MYRIP: variants seen among roughly 807,000 people sequenced by gnomAD.
MYRIP encodes the protein rab effector MyRIP.
A neutral mutation model predicts 98.0 loss-of-function variants in MYRIP; 49 were observed. The observed-to-expected ratio is 0.50, with a 90% confidence interval of 0.40 to 0.63. The LOEUF is 0.63. Ranked by LOEUF, MYRIP falls within the 30% of genes least tolerant of loss-of-function variation. MYRIP has a pLI of 0.00. For missense variants in MYRIP, 1,004 were observed against 1,058.2 expected, an observed-to-expected ratio of 0.95 and a Z score of 0.71; for synonymous variants, 404 against 409.5, an observed-to-expected ratio of 0.99 and a Z score of 0.16.
rs9849911 is a variant in MYRIP, at chr3:40,089,831, C to G, written c.332+45560C>G. Among the ~76,000 whole-genome samples the G allele has an allele frequency of 9.0e-3, 1,370 of 152,180 alleles. 21 individuals are homozygous for G. Among genetic ancestry groups the G allele is most frequent in the African/African-American group, 0.031 (1,293 of 41,522 alleles). ...CTTAAAAACCATTTTCTATAGATTT[C>G]TATTTTCTTCTCCAAAATTACGTAG... On this transcript the variant is annotated intron_variant, in intron 3 of 16. Transcript: ENST00000302541.
chr3:39,844,336 A>C (rs1352713680), intron 1 of MYRIP, among the ~76,000 whole-genome samples: 4 of 152,206 alleles, frequency 2.6e-5, no homozygotes, highest in Admixed American at 2.6e-4. Flanking sequence ...AGCTACCCTG[A>C]GTGGGACTGT....
In MYRIP at chr3:39,841,216, C is replaced by T. The variant is rs377395429; in HGVS notation, c.-31+31300C>T. On this transcript the variant is annotated intron_variant, in intron 1 of 16. Transcript: ENST00000302541. ...TTATTTCATTAAGTTGATCTTCAAT[C>T]GCTGATATCTTTTCTTCTGCTTGAT... 3.9e-5 allele frequency among the ~76,000 whole-genome samples: 6 copies of T among 152,094 alleles called. No individual in the cohort carries two copies. The East Asian group carries it at 9.7e-4, about 25-fold the overall frequency.
intron 1 of MYRIP, among the ~76,000 whole-genome samples, chr3:39,829,881 A>G (rs1252190821): frequency 3.3e-5 from 5 of 152,134 alleles, no homozygotes; most frequent in Non-Finnish European, 7.3e-5. Flanking sequence ...AACTGTACGT[A>G]GGCTCTTTCT....
At chr3:39,871,799 T>C (rs1942797086) in intron 1 of MYRIP, among the ~76,000 whole-genome samples, 1 of 152,140 alleles carries the variant, frequency 6.6e-6, no homozygotes, top group African/African-American at 2.4e-5. Context: ...CTGAATTATC[T>C]AGAATTATTT....
At chr3:40,059,726 AT>A (rs1247431528) in intron 3 of MYRIP, among the ~76,000 whole-genome samples, 1 of 151,860 alleles carries the variant, frequency 6.6e-6, no homozygotes, top group East Asian at 1.9e-4. Flanking sequence ...TTTTTCTTGG[AT>A]TTTCTTAACT....
chr3:39,950,619 T>C (rs1164327736), intron 2 of MYRIP, among the ~76,000 whole-genome samples: 1 of 152,168 alleles, frequency 6.6e-6, no homozygotes, highest in Non-Finnish European at 1.5e-5. Flanking sequence ...TGGGTCTCTC[T>C]TTCCATTTGT....
chr3:40,187,252 AG>A (rs534821475), intron 9 of MYRIP, among the ~76,000 whole-genome samples: 8 of 152,300 alleles, frequency 5.3e-5, no homozygotes, highest in Middle Eastern at 3.4e-3. Context: ...TGACAGCCAA[AG>A]GTGGGTCACA....
At position 40,117,481 on chromosome 3, in the gene MYRIP, T is replaced by C. The variant is rs1361878250; in HGVS notation, c.333-33567T>C. On this transcript the variant is annotated intron_variant, in intron 3 of 16. Transcript: ENST00000302541. ...CAGGTTATTCCCATTTCTACATTCT[T>C]AGCTGTTACATTTTCAAATTGAAAT... 2.0e-5 allele frequency among the ~76,000 whole-genome samples: 3 copies of C among 152,322 alleles called. No homozygotes were observed. In the East Asian group the frequency reaches 5.8e-4, roughly 29 times the overall value.
intron 13 of MYRIP, among the ~76,000 whole-genome samples, chr3:40,247,414 AGCTACT>A (rs1027296120): frequency 1.3e-5 from 2 of 152,174 alleles, no homozygotes; most frequent in Non-Finnish European, 2.9e-5. Flanking sequence ...CCCATAAGTG[AGCTACT>A]GCTACTATCC....
chr3:40,226,276 T>C (rs1952486500), intron 11 of MYRIP, among the ~76,000 whole-genome samples: 1 of 152,240 alleles, frequency 6.6e-6, no homozygotes, highest in Non-Finnish European at 1.5e-5. Flanking sequence ...CCTTCTCTCC[T>C]GGTATTTAAA....
At chr3:39,811,956 G>C (rs963123942) in intron 1 of MYRIP, among the ~76,000 whole-genome samples, 1 of 152,142 alleles carries the variant, frequency 6.6e-6, no homozygotes, top group African/African-American at 2.4e-5. Flanking sequence ...AGAAAACAAG[G>C]CTTCCCCCTG....
intron 2 of MYRIP, among the ~76,000 whole-genome samples, chr3:39,902,353 C>T (rs935311730): frequency 1.3e-5 from 2 of 152,226 alleles, no homozygotes; most frequent in African/African-American, 2.4e-5. Context: ...GAAACTAGTA[C>T]AGTTGCTTGG....
chr3:39,920,352 G>A (rs921644534), intron 2 of MYRIP, among the ~76,000 whole-genome samples: 1 of 152,110 alleles, frequency 6.6e-6, no homozygotes, highest in African/African-American at 2.4e-5. Context: ...TTCTCTACAA[G>A]CAGAAAGAAA....
chr3:40,248,256 ATGCTAAGGG>A (rs1360005708), intron 13 of MYRIP: 16 of 152,374 alleles, frequency 1.1e-4, no homozygotes, highest in Non-Finnish European at 2.2e-4. Flanking sequence ...CTTGTGGAGC[ATGCTAAGGG>A]TGCTGTCCAC....
chr3:40,033,415 A>C lies in MYRIP; in HGVS notation c.111-10635A>C, dbSNP rs921075028. 9.2e-5 allele frequency among the ~76,000 whole-genome samples: 14 copies of C among 152,256 alleles called. No homozygotes were observed. In the East Asian group the frequency reaches 9.6e-4, roughly 10 times the overall value. On this transcript the variant is annotated intron_variant, in intron 2 of 16. Coordinates refer to ENST00000302541, the MANE Select transcript of MYRIP (RefSeq NM_015460.4). ...ATGTACAAAAATCACAAGCATTCTTATACACCAATAACAGACAAACAGAGA... is the reference window on the plus strand; with the variant it reads ...ATGTACAAAAATCACAAGCATTCTTCTACACCAATAACAGACAAACAGAGA...
intron 12 of MYRIP, among the ~76,000 whole-genome samples, chr3:40,240,819 T>C (rs1952986804): frequency 6.6e-6 from 1 of 152,130 alleles, no homozygotes; most frequent in Non-Finnish European, 1.5e-5. Context: ...AGCTCCACTG[T>C]ACCTATTGGG....
At chr3:40,148,059 A>G (rs952339539) in intron 3 of MYRIP, among the ~76,000 whole-genome samples, 6 of 152,236 alleles carry the variant, frequency 3.9e-5, no homozygotes, top group African/African-American at 1.2e-4. Flanking sequence ...GGCTGAACAT[A>G]GAAGTCTAAC....
At chr3:40,246,410 C>G (rs761695611) in intron 13 of MYRIP, among the ~76,000 whole-genome samples, 2 of 152,180 alleles carry the variant, frequency 1.3e-5, no homozygotes, top group Non-Finnish European at 2.9e-5. Flanking sequence ...ACTATGTATT[C>G]ATCTTGCACT....
intron 1 of MYRIP, among the ~76,000 whole-genome samples, chr3:39,849,508 C>A (rs1942063615): frequency 6.6e-6 from 1 of 152,196 alleles, no homozygotes; most frequent in African/African-American, 2.4e-5. Context: ...GAGGTCCAGC[C>A]TTCCCGGAGT....
Sources: allele counts gnomAD v4.1 joint callset (sites outside exome capture counted in the v4.1 genomes callset), GRCh38; gene constraint gnomAD v4.1.1; transcripts MANE v1.5; gene names NCBI Gene and HGNC (gene_info 2026-07-23, HGNC 2026-07-21).